The following TTC28 variants were observed in gnomAD, a reference collection of about 807,000 sequenced individuals.
TTC28 encodes tetratricopeptide repeat domain 28.
Under a neutral mutation model 198.0 loss-of-function variants are expected in TTC28, and 61 were observed. The ratio of observed to expected loss-of-function variants is 0.31; its 90% CI spans 0.25 to 0.38. The LOEUF is 0.38. Among genes scored for constraint, TTC28 ranks in the 10% least tolerant of loss-of-function variants. The pLI, the probability that TTC28 is intolerant of heterozygous loss-of-function variation, is 1.00. For missense variants in TTC28, 2,678 were observed against 3,164.0 expected, an observed-to-expected ratio of 0.85 and a Z score of 3.69; for synonymous variants, 1,171 against 1,297.8, an observed-to-expected ratio of 0.90 and a Z score of 2.10.
chr22:28,305,174 G>A (rs576217742), intron 3 of TTC28, among the ~76,000 whole-genome samples: 3 of 151,996 alleles, frequency 2.0e-5, no homozygotes, highest in African/African-American at 4.8e-5. Context: ...GTTATTTTTA[G>A]TAGAGCCAGG....
chr22:28,500,038 T>C (rs1225313348), intron 2 of TTC28, among the ~76,000 whole-genome samples: 1 of 152,202 alleles, frequency 6.6e-6, no homozygotes, highest in Non-Finnish European at 1.5e-5. Flanking sequence ...AATAACTTTA[T>C]TGAGATATAA....
intron 2 of TTC28, among the ~76,000 whole-genome samples, chr22:28,529,725 C>A (rs1217857460): frequency 1.3e-5 from 2 of 152,190 alleles, no homozygotes; most frequent in African/African-American, 2.4e-5. Flanking sequence ...AAGGATCAGG[C>A]AGCAACATTT....
At chr22:28,520,143 G>A (rs759227256) in intron 2 of TTC28, among the ~76,000 whole-genome samples, 2 of 152,154 alleles carry the variant, frequency 1.3e-5, no homozygotes, top group Non-Finnish European at 2.9e-5. Flanking sequence ...ATCTCGGTTT[G>A]AGTCCCAACT....
At chr22:28,555,851 G>A (rs1413309401) in intron 2 of TTC28, among the ~76,000 whole-genome samples, 1 of 152,056 alleles carries the variant, frequency 6.6e-6, no homozygotes, top group Non-Finnish European at 1.5e-5. Context: ...ATTTTTAAAT[G>A]CAATATTTTA....
At chr22:28,536,902 G>A (rs968125527) in intron 2 of TTC28, among the ~76,000 whole-genome samples, 5 of 151,610 alleles carry the variant, frequency 3.3e-5, no homozygotes, top group African/African-American at 9.7e-5. Context: ...TCAATTTATA[G>A]TTACATATTG....
intron 2 of TTC28, among the ~76,000 whole-genome samples, chr22:28,395,934 T>G (rs1353819944): frequency 6.6e-6 from 1 of 152,174 alleles, no homozygotes. Context: ...GTGAAAAATA[T>G]TCACAACTAT....
chr22:27,982,144 G>T lies in TTC28; in HGVS notation c.*77C>A. Reference sequence around the variant, plus strand: ...GGGTGCTGGTGGCTGTGGGGGGACTGCACTCAGGGAAGGGCTGAAGCAAAC... The same window carrying T: ...GGGTGCTGGTGGCTGTGGGGGGACTTCACTCAGGGAAGGGCTGAAGCAAAC... On this transcript the variant is annotated 3_prime_UTR_variant, in exon 23 of 23. Coordinates refer to ENST00000397906, the MANE Select transcript of TTC28 (RefSeq NM_001145418.2). This position sits in a 1 kb window ranked among gnomAD's most constrained non-coding sequence, Gnocchi z 5.2. 7.2e-7 allele frequency: 1 copy of T among 1,384,224 alleles called. No individual in the cohort carries two copies. Among genetic ancestry groups the T allele is most frequent in the Non-Finnish European group, 9.6e-7 (1 of 1,041,742 alleles). 85.7% of individuals were successfully genotyped at this position (1,384,224 alleles called of 1,614,324 possible).
intron 6 of TTC28, among the ~76,000 whole-genome samples, chr22:28,134,876 G>T (rs1231699061): frequency 2.0e-5 from 3 of 152,084 alleles, no homozygotes; most frequent in African/African-American, 7.2e-5. Flanking sequence ...TTTCTGTGTG[G>T]AAGTTGTCCA....
At chr22:28,295,811 T>C (rs16986265) in intron 5 of TTC28, among the ~76,000 whole-genome samples, 3,325 of 152,304 alleles carry the variant, frequency 0.022, 120 homozygotes, top group African/African-American at 0.076. Context: ...AGCAACAATG[T>C]AAAGAGTCTG....
intron 6 of TTC28, among the ~76,000 whole-genome samples, chr22:28,136,750 C>T (rs1163391783): frequency 6.6e-6 from 1 of 152,140 alleles, no homozygotes; most frequent in Non-Finnish European, 1.5e-5. Flanking sequence ...ACTTTGCATG[C>T]CCAAGGTGAT....
chr22:28,042,970 G>T (rs1254007347), intron 12 of TTC28, among the ~76,000 whole-genome samples: 1 of 152,080 alleles, frequency 6.6e-6, no homozygotes, highest in Non-Finnish European at 1.5e-5. Context: ...CCTGGGCCAG[G>T]CACGGTGGCT....
intron 6 of TTC28, among the ~76,000 whole-genome samples, chr22:28,110,035 G>A (rs547760467): frequency 6.6e-6 from 1 of 152,304 alleles, no homozygotes; most frequent in African/African-American, 2.4e-5. Context: ...AGAACTTGTG[G>A]TGGGCAGCAG....
At chr22:28,282,939 C>G (rs1158647501) in intron 5 of TTC28, among the ~76,000 whole-genome samples, 1 of 152,068 alleles carries the variant, frequency 6.6e-6, no homozygotes, top group African/African-American at 2.4e-5. Context: ...TGTACAATTT[C>G]TTTTGAGGTG....
chr22:27,991,916 C>T (rs1937425480), intron 19 of TTC28, among the ~76,000 whole-genome samples: 1 of 152,218 alleles, frequency 6.6e-6, no homozygotes, highest in South Asian at 2.1e-4. Flanking sequence ...GAGAGTTGCT[C>T]CTGGGTTCAC....
chr22:28,452,502 G>A (rs2146257804), intron 2 of TTC28, among the ~76,000 whole-genome samples: 1 of 151,410 alleles, frequency 6.6e-6, no homozygotes, highest in Admixed American at 6.6e-5. Context: ...ACAGATCATA[G>A]GAAAAGAAAG....
At chr22:27,984,257 C>T (rs1203571103) in intron 22 of TTC28, among the ~76,000 whole-genome samples, 2 of 152,148 alleles carry the variant, frequency 1.3e-5, no homozygotes, top group South Asian at 4.1e-4. Context: ...CCAGCTCCAT[C>T]CCAGCAAGTC....
At chr22:28,486,026 T>C (rs1447092947) in intron 2 of TTC28, among the ~76,000 whole-genome samples, 1 of 152,112 alleles carries the variant, frequency 6.6e-6, no homozygotes, top group Non-Finnish European at 1.5e-5. Context: ...CTAACCCATC[T>C]TGCCAAAAAG....
rs182929918 is a variant in TTC28, at chr22:28,611,522, T to C, written c.381+18030A>G. 2.8e-5 allele frequency among the ~76,000 whole-genome samples: 4 copies of C among 141,078 alleles called. No homozygotes were observed. The East Asian group carries it at 8.1e-4, about 28-fold the overall frequency. The allele number at this position is 141,078 out of a possible 152,430, so 92.6% of individuals were successfully genotyped here. A position where few individuals can be genotyped will look rare whatever the true frequency, so the allele number is the denominator to read the frequency against. ...TTTTTTTAATTTTTTTTTTTTTTTA[T>C]TATACTCTAAGTTTTAGGGTACATG... On this transcript the variant is annotated intron_variant, in intron 2 of 22. Coordinates refer to ENST00000397906, the MANE Select transcript of TTC28 (RefSeq NM_001145418.2).
chr22:28,581,775 T>A (rs936334058), intron 2 of TTC28, among the ~76,000 whole-genome samples: 1 of 152,198 alleles, frequency 6.6e-6, no homozygotes, highest in Non-Finnish European at 1.5e-5. Flanking sequence ...GAACATTTCT[T>A]CCTTTTGTAA....
Sources: gnomAD v4.1 joint callset for allele counts (sites outside exome capture counted in the v4.1 genomes callset) on GRCh38, gnomAD v4.1.1 for gene constraint, Gnocchi (gnomAD v3.1) non-coding constraint, MANE v1.5 for transcripts, NCBI Gene and HGNC (gene_info 2026-07-23, HGNC 2026-07-21) for gene names.